Variants in FRMD4A observed in about 807,000 individuals in gnomAD.
FRMD4A encodes the protein FERM domain-containing protein 4A.
FRMD4A carries 29 observed loss-of-function variants against 129.1 expected under a neutral mutation model. The ratio of observed to expected loss-of-function variants is 0.22; its 90% CI spans 0.17 to 0.31. The LOEUF (loss-of-function observed/expected upper bound fraction) is 0.31. Among genes scored for constraint, FRMD4A ranks in the 10% least tolerant of loss-of-function variants. FRMD4A has a pLI of 1.00. For missense variants in FRMD4A, 1,272 were observed against 1,375.8 expected (o/e 0.92, Z 1.19); for synonymous variants, 634 against 571.6 (o/e 1.11, Z -1.56).
intron 2 of FRMD4A, among the ~76,000 whole-genome samples, chr10:14,283,905 A>AT (rs1236370673): frequency 6.6e-6 from 1 of 152,240 alleles, no homozygotes; most frequent in Non-Finnish European, 1.5e-5. Flanking sequence ...TCAATTGATC[A>AT]TTTGACAAGC....
chr10:13,942,948 A>AG (rs2131313666), intron 2 of FRMD4A, among the ~76,000 whole-genome samples: 1 of 152,240 alleles, frequency 6.6e-6, no homozygotes, highest in South Asian at 2.1e-4. Flanking sequence ...AAGGCAAAAA[A>AG]AAAAGACCTA....
At chr10:13,861,532 C>T (rs1304762375) in intron 2 of FRMD4A, among the ~76,000 whole-genome samples, 4 of 152,164 alleles carry the variant, frequency 2.6e-5, no homozygotes, top group Admixed American at 1.3e-4. Context: ...TGAGAAAAAT[C>T]AAGAAAAGTT....
chr10:13,747,954 G>A (rs2091373584), intron 8 of FRMD4A, 135 bp from the exon 9 acceptor site: 1 of 650,464 alleles, frequency 1.5e-6, no homozygotes, highest in African/African-American at 1.8e-5. Flanking sequence ...TGGGGGGAAG[G>A]GGCGCTCTCT....
intron 2 of FRMD4A, among the ~76,000 whole-genome samples, chr10:14,020,484 T>G (rs1565189974): frequency 6.6e-6 from 1 of 152,146 alleles, no homozygotes; most frequent in Non-Finnish European, 1.5e-5. Context: ...ATATTCTTTC[T>G]AGACCATCCC....
At chr10:13,686,692 G>C (rs2085117777) in intron 15 of FRMD4A, among the ~76,000 whole-genome samples, 1 of 152,184 alleles carries the variant, frequency 6.6e-6, no homozygotes, top group African/African-American at 2.4e-5. Flanking sequence ...TCACACTGCA[G>C]ATGACTCAAT....
rs192430483 is a variant in FRMD4A at position 13,757,832 on chromosome 10, C to T, written c.464+3815G>A. On this transcript the variant is annotated intron_variant, in intron 8 of 24. Transcript: ENST00000357447. ...GATCTCAGCTCACTGCAACCTCCGCCTACCAGGTTCAAGCAATTCTCCTGC... is the reference window on the plus strand; with the variant it reads ...GATCTCAGCTCACTGCAACCTCCGCTTACCAGGTTCAAGCAATTCTCCTGC... Among the ~76,000 whole-genome samples the T allele has an allele frequency of 2.1e-3, 327 of 152,346 alleles. 2 individuals are homozygous for T. Among genetic ancestry groups the T allele is most frequent in the African/African-American group, 7.5e-3 (312 of 41,574 alleles).
At chr10:13,963,534 A>G (rs1352325831) in intron 2 of FRMD4A, among the ~76,000 whole-genome samples, 1 of 152,192 alleles carries the variant, frequency 6.6e-6, no homozygotes, top group Non-Finnish European at 1.5e-5. Flanking sequence ...TGAAGATAAA[A>G]ACGAATCATT....
intron 6 of FRMD4A, among the ~76,000 whole-genome samples, chr10:13,774,785 G>A (rs1881585): frequency 6.6e-6 from 1 of 151,984 alleles, no homozygotes; most frequent in African/African-American, 2.4e-5. Context: ...GTACAGGAAA[G>A]AGAGACCAAC....
chr10:14,178,834 T>G (rs1422721773), intron 2 of FRMD4A, among the ~76,000 whole-genome samples: 1 of 152,108 alleles, frequency 6.6e-6, no homozygotes, highest in Non-Finnish European at 1.5e-5. Flanking sequence ...AAATATTAAT[T>G]AAGTTTACAC....
intron 2 of FRMD4A, among the ~76,000 whole-genome samples, chr10:14,195,659 CAGTTT>C (rs1842452364): frequency 1.3e-5 from 2 of 152,198 alleles, no homozygotes; most frequent in Non-Finnish European, 2.9e-5. Flanking sequence ...TGGGGCTAAT[CAGTTT>C]CTTACATGAT....
intron 6 of FRMD4A, among the ~76,000 whole-genome samples, chr10:13,765,196 C>A (rs1208587353): frequency 1.4e-5 from 2 of 144,348 alleles, no homozygotes; most frequent in African/African-American, 5.1e-5. Flanking sequence ...CTCACTGCAA[C>A]TTCTGTCTCC....
chr10:14,116,961 C>T (rs1355012533), intron 2 of FRMD4A, among the ~76,000 whole-genome samples: 2 of 152,206 alleles, frequency 1.3e-5, no homozygotes, highest in African/African-American at 4.8e-5. Flanking sequence ...GGGAGAATGT[C>T]CCTAGCAGAC....
At chr10:13,710,161 A>C (rs931430063) in intron 12 of FRMD4A, among the ~76,000 whole-genome samples, 4 of 152,042 alleles carry the variant, frequency 2.6e-5, no homozygotes, top group African/African-American at 7.2e-5. Flanking sequence ...TGGGAGGTGG[A>C]ACCCTCAAGC....
At chr10:14,110,615 A>G (rs1259371391) in intron 2 of FRMD4A, among the ~76,000 whole-genome samples, 1 of 150,956 alleles carries the variant, frequency 6.6e-6, no homozygotes, top group Non-Finnish European at 1.5e-5. Flanking sequence ...AATATATTAG[A>G]GCAGCTTTCT....
chr10:13,955,643 C>T (rs758172285), intron 2 of FRMD4A, among the ~76,000 whole-genome samples: 1 of 152,198 alleles, frequency 6.6e-6, no homozygotes, highest in Non-Finnish European at 1.5e-5. Context: ...TAATGAAAAA[C>T]ACATTGTAAT....
At chr10:14,138,993 C>T (rs1019099378) in intron 2 of FRMD4A, among the ~76,000 whole-genome samples, 11 of 152,154 alleles carry the variant, frequency 7.2e-5, no homozygotes, top group African/African-American at 2.7e-4. Flanking sequence ...TCTGGACCTC[C>T]AAGTGATCCA....
intron 6 of FRMD4A, among the ~76,000 whole-genome samples, chr10:13,764,081 A>T (rs2092182558): frequency 6.6e-6 from 1 of 152,108 alleles, no homozygotes; most frequent in African/African-American, 2.4e-5. Flanking sequence ...AAAACTGCAT[A>T]TGTTTAATGT....
chr10:14,061,232 G>C (rs1049059327), intron 2 of FRMD4A, among the ~76,000 whole-genome samples: 2 of 152,096 alleles, frequency 1.3e-5, no homozygotes, highest in Non-Finnish European at 2.9e-5. Context: ...GACTACCTGA[G>C]GTCAGGAGTT....
At chr10:13,853,791 C>T (rs1400008817) in intron 3 of FRMD4A, among the ~76,000 whole-genome samples, 1 of 139,806 alleles carries the variant, frequency 7.2e-6, no homozygotes, top group African/African-American at 2.7e-5. Flanking sequence ...AAGATTGCAC[C>T]ACTGCACTCT....
Sources: allele counts gnomAD v4.1 joint callset (sites outside exome capture counted in the v4.1 genomes callset), GRCh38; gene constraint gnomAD v4.1.1; transcripts MANE v1.5; gene names NCBI Gene and HGNC (gene_info 2026-07-23, HGNC 2026-07-21).